NDST3: variants seen among roughly 807,000 people sequenced by gnomAD.
NDST3 encodes bifunctional heparan sulfate N-deacetylase/N-sulfotransferase 3.
A neutral mutation model predicts 96.1 loss-of-function variants in NDST3; 58 were observed. That is an observed-to-expected ratio of 0.60 (90% CI 0.49 to 0.75). The LOEUF is 0.75. NDST3 is among the 30% of genes least tolerant of loss of function. The pLI is 0.00. For missense variants in NDST3, 788 were observed against 1,034.2 expected (o/e 0.76, Z 3.27); for synonymous variants, 333 against 359.7 (o/e 0.93, Z 0.84).
chr4:118,124,336 T>A (rs1731863043), intron 4 of NDST3, among the ~76,000 whole-genome samples: 1 of 152,040 alleles, frequency 6.6e-6, no homozygotes, highest in Admixed American at 6.6e-5. Flanking sequence ...TTTTTTTGTT[T>A]TGCTTGTTTT....
chr4:118,165,503 A>C (rs2125930750), intron 6 of NDST3, among the ~76,000 whole-genome samples: 1 of 152,174 alleles, frequency 6.6e-6, no homozygotes, highest in East Asian at 1.9e-4. Flanking sequence ...TACTTTCAAC[A>C]ATAGAACACT....
intron 7 of NDST3, among the ~76,000 whole-genome samples, chr4:118,226,095 C>T (rs1180734772): frequency 1.3e-5 from 2 of 151,746 alleles, no homozygotes; most frequent in African/African-American, 4.8e-5. Context: ...ACTTCACATA[C>T]CTATGGTATT....
intron 6 of NDST3, among the ~76,000 whole-genome samples, chr4:118,175,951 C>T (rs1264715680): frequency 2.0e-5 from 3 of 152,088 alleles, no homozygotes; most frequent in African/African-American, 7.2e-5. Context: ...GACTGATTAG[C>T]TGGTCTGTGC....
chr4:118,136,465 A>C (rs967708050), intron 4 of NDST3, among the ~76,000 whole-genome samples: 1 of 152,138 alleles, frequency 6.6e-6, no homozygotes, highest in East Asian at 1.9e-4. Context: ...TAGTGGGAAA[A>C]AATTAGTTTA....
chr4:118,221,700 C>T (rs1467801741), intron 6 of NDST3, among the ~76,000 whole-genome samples: 5 of 151,980 alleles, frequency 3.3e-5, no homozygotes, highest in African/African-American at 1.2e-4. Context: ...TTTACCTTTT[C>T]CCTTTTTACA....
chr4:118,202,308 G>T (rs927238510), intron 6 of NDST3, among the ~76,000 whole-genome samples: 4 of 152,114 alleles, frequency 2.6e-5, no homozygotes, highest in Non-Finnish European at 5.9e-5. Context: ...GGCTATTGGG[G>T]CTCTTTTTCA....
At chr4:118,106,792 T>TAA (rs1343784558) in intron 3 of NDST3, among the ~76,000 whole-genome samples, 1 of 150,982 alleles carries the variant, frequency 6.6e-6, no homozygotes, top group Non-Finnish European at 1.5e-5. Context: ...ATCTGTCTCT[T>TAA]AAAAAAAAAT....
intron 6 of NDST3, among the ~76,000 whole-genome samples, chr4:118,165,216 G>GA (rs377215684): frequency 3.0e-4 from 46 of 152,104 alleles, no homozygotes; most frequent in African/African-American, 1.0e-3. Context: ...CTCACAGGCT[G>GA]AAAGTGAAAG....
intron 6 of NDST3, among the ~76,000 whole-genome samples, chr4:118,172,246 T>C (rs975472479): frequency 6.6e-6 from 1 of 152,180 alleles, no homozygotes; most frequent in Non-Finnish European, 1.5e-5. Context: ...TGTAGTAAAA[T>C]TGGGATTCTG....
At chr4:118,154,835 G>A (rs1356708463) in intron 6 of NDST3, among the ~76,000 whole-genome samples, 2 of 152,240 alleles carry the variant, frequency 1.3e-5, no homozygotes, top group African/African-American at 2.4e-5. Context: ...TGGTCTTGAC[G>A]TGATGTACAT....
intron 6 of NDST3, among the ~76,000 whole-genome samples, chr4:118,144,964 G>A (rs1382514090): frequency 2.0e-5 from 3 of 152,088 alleles, no homozygotes; most frequent in African/African-American, 4.8e-5. Context: ...AGAAGAAAGA[G>A]TAACTCATCT....
At chr4:118,236,035 TA>T (rs538072229) in intron 9 of NDST3, among the ~76,000 whole-genome samples, 6 of 150,974 alleles carry the variant, frequency 4.0e-5, no homozygotes, top group African/African-American at 1.5e-4. Context: ...CAAGACACTG[TA>T]AAAAAAAACA....
At chr4:118,246,077 T>G (rs1741293588) in intron 12 of NDST3, among the ~76,000 whole-genome samples, 1 of 152,188 alleles carries the variant, frequency 6.6e-6, no homozygotes, top group Non-Finnish European at 1.5e-5. Flanking sequence ...AGCCTTAAAA[T>G]GAGCTATGGA....
At chr4:118,219,984 T>A in intron 6 of NDST3, among the ~76,000 whole-genome samples, 1 of 151,140 alleles carries the variant, frequency 6.6e-6, no homozygotes, top group Admixed American at 6.6e-5. Flanking sequence ...ACTGGTGAGG[T>A]TGTGGAGAAA....
At chr4:118,247,532 A>ATTG (rs1278497205) in intron 12 of NDST3, among the ~76,000 whole-genome samples, 2 of 152,174 alleles carry the variant, frequency 1.3e-5, no homozygotes, top group South Asian at 2.1e-4. Flanking sequence ...AGCCTGGGCG[A>ATTG]CAAGAGTGAA....
rs1040121225 is a variant in NDST3, at chr4:118,053,814, A to G, written c.-97A>G. On this transcript the variant is annotated 5_prime_UTR_variant, in exon 2 of 14. Transcript: ENST00000296499. ...CAAATGAGCTGCAATGGTGACATAA[A>G]CTCTTGACAGAGATTGGAAAAGTAG... 2 of 1,350,730 alleles carry G rather than the reference A, an allele frequency of 1.5e-6. No individual in the cohort carries two copies. Among genetic ancestry groups the G allele is most frequent in the Admixed American group, 4.6e-5 (2 of 43,134 alleles). The allele number at this position is 1,350,730 out of a possible 1,614,324, so 83.7% of individuals were successfully genotyped here.
chr4:118,104,960 T>G, intron 2 of NDST3, 58 bp from the exon 3 acceptor site: 1 of 1,413,924 alleles, frequency 7.1e-7, no homozygotes, highest in East Asian at 2.3e-5. Flanking sequence ...GATATATCTT[T>G]TGGAAACTTT....
At chr4:118,169,729 G>C (rs1735802643) in intron 6 of NDST3, among the ~76,000 whole-genome samples, 1 of 151,936 alleles carries the variant, frequency 6.6e-6, no homozygotes, top group Non-Finnish European at 1.5e-5. Context: ...AGGAGGCGGA[G>C]GTTGCAGTCA....
At chr4:118,049,270 T>C (rs1340246643) in intron 1 of NDST3, among the ~76,000 whole-genome samples, 2 of 152,008 alleles carry the variant, frequency 1.3e-5, no homozygotes, top group Non-Finnish European at 2.9e-5. Context: ...ATCAAGAAGT[T>C]AGAAAGATCT....
Sources: allele counts gnomAD v4.1 joint callset (sites outside exome capture counted in the v4.1 genomes callset), GRCh38; gene constraint gnomAD v4.1.1; transcripts MANE v1.5; gene names NCBI Gene and HGNC (gene_info 2026-07-23, HGNC 2026-07-21).